Variants in MTAP observed in about 807,000 individuals in gnomAD.
The protein encoded by MTAP is methylthioadenosine phosphorylase, also known as S-methyl-5'-thioadenosine phosphorylase.
A neutral mutation model predicts 33.6 loss-of-function variants in MTAP; 33 were observed. That is an observed-to-expected ratio of 0.98 (90% CI 0.74 to 1.31). The LOEUF is 1.31. Ranked by LOEUF, MTAP falls within the 40% of genes most tolerant of loss-of-function variation. MTAP has a pLI of 0.00. For synonymous variants in MTAP, 148 were observed against 125.7 expected (o/e 1.18, Z -1.19); for missense variants, 367 against 360.0 (o/e 1.02, Z -0.16).
intron 1 of MTAP, among the ~76,000 whole-genome samples, chr9:21,891,907 C>A (rs1818207064): frequency 6.6e-6 from 1 of 152,148 alleles, no homozygotes; most frequent in African/African-American, 2.4e-5. Context: ...AAGGGACCCC[C>A]ATCAGGCTAA....
Position 21,863,527 on chromosome 9 carries a change from A to T in MTAP, c.*1513A>T. On this transcript the variant is annotated 3_prime_UTR_variant, in exon 8 of 8. Coordinates refer to ENST00000644715, the MANE Select transcript of MTAP (RefSeq NM_002451.4). ...GAGGCTGAGGCAGGAGAATGGTGTG[A>T]ACCTGGGAGGTGGAGCTTGCAGTGA... 1.6e-6 allele frequency: 1 copy of T among 622,072 alleles called. No homozygotes were observed. The highest frequency in any genetic ancestry group is 2.0e-6 in the Non-Finnish European group (1 of 497,970). 38.5% of individuals were successfully genotyped at this position (622,072 alleles called of 1,614,324 possible).
downstream of MTAP, chr9:21,934,132 T>G (rs1819005960): frequency 6.6e-6 from 1 of 152,138 alleles, no homozygotes; most frequent in East Asian, 1.9e-4. The surrounding 1 kb of genome is among the most constrained non-coding windows in gnomAD (Gnocchi z 5.0). Context: ...CATACAGAAA[T>G]TAGAAGTGAA....
chr9:21,812,476 G>A (rs1824375736), intron 1 of MTAP: 1 of 152,548 alleles, frequency 6.6e-6, no homozygotes, highest in African/African-American at 2.4e-5. Flanking sequence ...ACTCTATCTT[G>A]TGTAATAAAG....
chr9:21,834,531 C>T (rs1404981928), intron 4 of MTAP, among the ~76,000 whole-genome samples: 1 of 152,198 alleles, frequency 6.6e-6, no homozygotes, highest in East Asian at 1.9e-4. Flanking sequence ...TTTCTGGAGG[C>T]TTAGGGTAGA....
At chr9:21,910,625 T>C (rs994435665) in intron 1 of MTAP, among the ~76,000 whole-genome samples, 9 of 152,204 alleles carry the variant, frequency 5.9e-5, no homozygotes, top group African/African-American at 4.8e-5. Flanking sequence ...TGTATAATCA[T>C]GAAAATCACT....
chr9:21,887,037 C>T (rs985328534), intron 1 of MTAP, among the ~76,000 whole-genome samples: 1 of 152,078 alleles, frequency 6.6e-6, no homozygotes, highest in East Asian at 1.9e-4. Context: ...GCAGTATGGT[C>T]ATTTTCACAA....
chr9:21,807,128 C>T (rs896954251), intron 1 of MTAP, among the ~76,000 whole-genome samples: 25 of 152,178 alleles, frequency 1.6e-4, no homozygotes, highest in Non-Finnish European at 2.9e-4. Context: ...TGCGCCATTG[C>T]ACTCCAGCCT....
intron 4 of MTAP, among the ~76,000 whole-genome samples, chr9:21,832,347 T>A (rs1287371536): frequency 1.3e-5 from 2 of 152,258 alleles, no homozygotes; most frequent in African/African-American, 4.8e-5. Flanking sequence ...GATCATTCTC[T>A]TTCTGCCTCT....
chr9:21,859,043 G>A (rs1046355455), intron 6 of MTAP: 11 of 282,564 alleles, frequency 3.9e-5, no homozygotes, highest in African/African-American at 2.4e-4. Flanking sequence ...CTCACACGGT[G>A]GAAGGGGCCC....
chr9:21,824,923 G>A (rs1824749203), intron 4 of MTAP, among the ~76,000 whole-genome samples: 1 of 152,016 alleles, frequency 6.6e-6, no homozygotes, highest in Non-Finnish European at 1.5e-5. Flanking sequence ...TAATCTCCTG[G>A]TGTGCCGTTT....
chr9:21,806,405 C>A (rs1331561655), intron 1 of MTAP, among the ~76,000 whole-genome samples: 3 of 152,008 alleles, frequency 2.0e-5, no homozygotes, highest in Non-Finnish European at 4.4e-5. Context: ...GATAAGGGGC[C>A]ACGAGTGACT....
intron 1 of MTAP, among the ~76,000 whole-genome samples, chr9:21,902,062 G>A (rs983667486): frequency 2.6e-5 from 4 of 152,190 alleles, no homozygotes; most frequent in African/African-American, 9.7e-5. Context: ...CAAGGAACAG[G>A]TGCCATCTCC....
intron 6 of MTAP, among the ~76,000 whole-genome samples, chr9:21,858,222 T>A (rs1025355363): frequency 6.6e-6 from 1 of 152,202 alleles, no homozygotes; most frequent in Admixed American, 6.5e-5. Context: ...TTGTAATCCC[T>A]TCGGCTGTGG....
intron 1 of MTAP, among the ~76,000 whole-genome samples, chr9:21,891,924 A>G (rs1818207281): frequency 6.6e-6 from 1 of 152,220 alleles, no homozygotes; most frequent in Non-Finnish European, 1.5e-5. Flanking sequence ...CTAACAATGG[A>G]CCTTTCAGCA....
At chr9:21,843,865 C>G (rs903660964) in intron 5 of MTAP, among the ~76,000 whole-genome samples, 5 of 151,860 alleles carry the variant, frequency 3.3e-5, no homozygotes, top group African/African-American at 1.2e-4. Flanking sequence ...AAAGCAAACC[C>G]AAACCTAGCA....
Position 21,802,652 on chromosome 9 carries a change from C to G in MTAP, c.-97C>G. ...GCCCCTGGTCTCCGCACTGCTCACT[C>G]CCGCGCAGTGAGGTTGGCACAGCCA... On this transcript the variant is annotated 5_prime_UTR_variant, in exon 1 of 8. Coordinates refer to ENST00000644715, the MANE Select transcript of MTAP (RefSeq NM_002451.4). 1.4e-6 allele frequency: 2 copies of G among 1,399,210 alleles called. No individual in the cohort carries two copies. Among genetic ancestry groups the G allele is most frequent in the Non-Finnish European group, 2.0e-6 (2 of 997,824 alleles). 86.7% of individuals were successfully genotyped at this position (1,399,210 alleles called of 1,614,324 possible).
downstream of MTAP, among the ~76,000 whole-genome samples, chr9:21,870,402 T>A (rs573960676): frequency 4.9e-4 from 75 of 152,302 alleles, no homozygotes; most frequent in African/African-American, 1.8e-3. Flanking sequence ...ACCAGACTAG[T>A]GCTTGGGATT....
chr9:21,802,894 G>A, intron 1 of MTAP, 113 bp downstream of exon 1: 1 of 1,487,504 alleles, frequency 6.7e-7, no homozygotes, highest in Non-Finnish European at 8.9e-7. Context: ...GTCCCTTGCC[G>A]CCGCGGGGAG....
chr9:21,876,748 T>C (rs1262630456), intron 1 of MTAP, among the ~76,000 whole-genome samples: 2 of 152,190 alleles, frequency 1.3e-5, no homozygotes, highest in East Asian at 1.9e-4. Context: ...ACCAGTACTA[T>C]GCTGTTTTGG....
Sources: allele counts gnomAD v4.1 joint callset (sites outside exome capture counted in the v4.1 genomes callset), GRCh38; gene constraint gnomAD v4.1.1; non-coding constraint Gnocchi (gnomAD v3.1); transcripts MANE v1.5; gene names NCBI Gene and HGNC (gene_info 2026-07-23, HGNC 2026-07-21).